Variants in GPC5 observed in about 807,000 individuals in gnomAD.
GPC5 encodes glypican-5.
A neutral mutation model predicts 53.9 loss-of-function variants in GPC5; 47 were observed. The observed-to-expected ratio is 0.87, with a 90% CI of 0.69 to 1.11. GPC5 has a LOEUF of 1.11. Ranked by LOEUF, GPC5 falls within the 50% of genes most tolerant of loss-of-function variation. The probability of loss-of-function intolerance (pLI) is 0.00; values close to 1 mark genes in which losing one functional copy is unlikely to be tolerated. For missense variants in GPC5, 748 were observed against 713.1 expected, an observed-to-expected ratio of 1.05 and a Z score of -0.56; for synonymous variants, 286 against 263.3, an observed-to-expected ratio of 1.09 and a Z score of -0.84.
At chr13:92,126,744 C>T (rs2041700561) in intron 6 of GPC5, among the ~76,000 whole-genome samples, 1 of 151,964 alleles carries the variant, frequency 6.6e-6, no homozygotes, top group Admixed American at 6.6e-5. Flanking sequence ...GAAAAAAACT[C>T]ATTAAAACAT....
At chr13:91,491,571 A>T (rs1436886100) in intron 2 of GPC5, among the ~76,000 whole-genome samples, 1 of 152,210 alleles carries the variant, frequency 6.6e-6, no homozygotes, top group Non-Finnish European at 1.5e-5. Context: ...ATAGCTTAAA[A>T]TAATAAAAAA....
At chr13:92,398,835 C>G (rs1211042359) in intron 7 of GPC5, among the ~76,000 whole-genome samples, 1 of 152,128 alleles carries the variant, frequency 6.6e-6, no homozygotes, top group African/African-American at 2.4e-5. Context: ...GTCATCCTGT[C>G]CTTCTTGACT....
At chr13:92,574,527 C>T (rs1468274788) in intron 7 of GPC5, among the ~76,000 whole-genome samples, 2 of 152,132 alleles carry the variant, frequency 1.3e-5, no homozygotes, top group African/African-American at 4.8e-5. Context: ...TCATCATTCT[C>T]TCTCATAGTA....
chr13:91,954,887 T>G (rs2040059196), intron 6 of GPC5, among the ~76,000 whole-genome samples: 1 of 152,110 alleles, frequency 6.6e-6, no homozygotes, highest in Non-Finnish European at 1.5e-5. Flanking sequence ...TAATAACTGA[T>G]TTTAGCAAGA....
chr13:91,793,471 A>G (rs1313450035), intron 5 of GPC5, among the ~76,000 whole-genome samples: 1 of 152,122 alleles, frequency 6.6e-6, no homozygotes, highest in Non-Finnish European at 1.5e-5. Context: ...TTCTTCTTAA[A>G]TCTTTTGTCA....
chr13:92,429,044 CAAAT>C (rs893272124), intron 7 of GPC5, among the ~76,000 whole-genome samples: 3 of 151,908 alleles, frequency 2.0e-5, no homozygotes, highest in African/African-American at 4.8e-5. Flanking sequence ...TGCATTACAA[CAAAT>C]AAATCTTACA....
chr13:91,880,388 A>G (rs1286019782), intron 5 of GPC5, among the ~76,000 whole-genome samples: 1 of 152,150 alleles, frequency 6.6e-6, no homozygotes, highest in East Asian at 1.9e-4. Context: ...GAACTCGTGT[A>G]TGTTTATAAA....
chr13:92,171,906 G>A (rs77679671), intron 7 of GPC5, among the ~76,000 whole-genome samples: 1,911 of 152,256 alleles, frequency 0.013, 33 homozygotes, highest in African/African-American at 0.044. Context: ...CCATCATTCA[G>A]TCAATTTCCC....
At chr13:91,477,112 G>A (rs1882975745) in intron 2 of GPC5, among the ~76,000 whole-genome samples, 1 of 152,032 alleles carries the variant, frequency 6.6e-6, no homozygotes, top group African/African-American at 2.4e-5. Context: ...ATTTATCTTT[G>A]GATGAAGATT....
At chr13:92,817,976 A>G (rs1242036965) in intron 7 of GPC5, among the ~76,000 whole-genome samples, 1 of 151,524 alleles carries the variant, frequency 6.6e-6, no homozygotes, top group Non-Finnish European at 1.5e-5. Context: ...CACCTGGGTA[A>G]TGGGTAATGG....
chr13:91,487,880 T>A (rs1361612425), intron 2 of GPC5, among the ~76,000 whole-genome samples: 1 of 152,066 alleles, frequency 6.6e-6, no homozygotes, highest in East Asian at 1.9e-4. Context: ...CAGAAAGTAT[T>A]TGCCAAGAGA....
At chr13:92,137,400 G>C (rs980948553) in intron 6 of GPC5, among the ~76,000 whole-genome samples, 2 of 152,190 alleles carry the variant, frequency 1.3e-5, no homozygotes, top group African/African-American at 4.8e-5. Flanking sequence ...AAATGACAGA[G>C]TCAAGGCAGA....
At chr13:92,384,420 AAAATC>A (rs1364470470) in intron 7 of GPC5, among the ~76,000 whole-genome samples, 2 of 152,144 alleles carry the variant, frequency 1.3e-5, no homozygotes, top group Non-Finnish European at 2.9e-5. Context: ...TCACTTTTAA[AAAATC>A]AAATTATTTT....
intron 7 of GPC5, among the ~76,000 whole-genome samples, chr13:92,243,459 G>A (rs987422217): frequency 2.4e-4 from 36 of 152,122 alleles, no homozygotes; most frequent in Admixed American, 1.6e-3. Context: ...GGACAGAGGC[G>A]TGAGCATGGC....
At chr13:91,964,577 C>T (rs757084314) in intron 6 of GPC5, among the ~76,000 whole-genome samples, 5 of 152,148 alleles carry the variant, frequency 3.3e-5, no homozygotes, top group Non-Finnish European at 7.3e-5. Context: ...ACACAGAGCA[C>T]TGATTGGTGT....
intron 2 of GPC5, among the ~76,000 whole-genome samples, chr13:91,478,139 A>G (rs1042887453): frequency 1.3e-5 from 2 of 151,688 alleles, no homozygotes; most frequent in Non-Finnish European, 2.9e-5. Flanking sequence ...TGTTAAATTT[A>G]TATGTTCTTT....
At chr13:92,342,256 C>A (rs4771856) in intron 7 of GPC5, among the ~76,000 whole-genome samples, 43,650 of 151,954 alleles carry the variant, frequency 0.29, 6,482 homozygotes, top group South Asian at 0.4. Context: ...TTCACTCTAC[C>A]TTCAACAAAG....
chr13:92,257,545 G>GTTTTTTTTTTTTTTTTTTTTTT (rs1566507028), intron 7 of GPC5, among the ~76,000 whole-genome samples: 3 of 50,022 alleles, frequency 6.0e-5, no homozygotes, highest in African/African-American at 2.4e-4. Context: ...CTAATACAGG[G>GTTTTTTTTTTTTTTTTTTTTTT]ATTTTTTTTT....
intron 7 of GPC5, among the ~76,000 whole-genome samples, chr13:92,291,147 T>A (rs2042992015): frequency 6.6e-6 from 1 of 152,094 alleles, no homozygotes. Flanking sequence ...TGGGCTCCTG[T>A]GCGGCCGGAG....
Sources: allele counts gnomAD v4.1 joint callset (sites outside exome capture counted in the v4.1 genomes callset), GRCh38; gene constraint gnomAD v4.1.1; transcripts MANE v1.5; gene names NCBI Gene and HGNC (gene_info 2026-07-23, HGNC 2026-07-21).